Variants in NELL1 observed in about 807,000 individuals in gnomAD.
NELL1 encodes the protein protein kinase C-binding protein NELL1.
A neutral mutation model predicts 107.4 loss-of-function variants in NELL1; 76 were observed. That is an observed-to-expected ratio of 0.71 (90% CI 0.59 to 0.86). The LOEUF (loss-of-function observed/expected upper bound fraction) is 0.86, where lower values mean the gene tolerates loss of function less well. NELL1 is among the 40% of genes least tolerant of loss of function. The pLI, the probability that NELL1 is intolerant of heterozygous loss-of-function variation, is 0.00. For missense variants in NELL1, 1,024 were observed against 1,005.5 expected (o/e 1.02, Z -0.25); for synonymous variants, 353 against 341.2 (o/e 1.03, Z -0.38).
intron 15 of NELL1, among the ~76,000 whole-genome samples, chr11:21,501,688 A>C (rs1855146669): frequency 6.6e-6 from 1 of 152,202 alleles, no homozygotes. Context: ...TTTGCAGCTT[A>C]TTACTTTGCA....
At chr11:21,451,059 C>T (rs1337687741) in intron 15 of NELL1, among the ~76,000 whole-genome samples, 2 of 151,322 alleles carry the variant, frequency 1.3e-5, no homozygotes, top group African/African-American at 2.4e-5. Context: ...TGATGGTGGG[C>T]GCCTGTAGTC....
At chr11:20,863,825 A>C (rs959782566) in intron 4 of NELL1, among the ~76,000 whole-genome samples, 3 of 152,336 alleles carry the variant, frequency 2.0e-5, no homozygotes, top group Non-Finnish European at 4.4e-5. Flanking sequence ...AACATTGAGC[A>C]CTGAGTGAAC....
intron 14 of NELL1, among the ~76,000 whole-genome samples, chr11:21,335,525 G>A (rs937690828): frequency 6.6e-6 from 1 of 152,076 alleles, no homozygotes; most frequent in Non-Finnish European, 1.5e-5. Flanking sequence ...TCATCTGGGT[G>A]TGAAATTTCC....
intron 16 of NELL1, among the ~76,000 whole-genome samples, chr11:21,556,462 G>A (rs537545834): frequency 6.6e-6 from 1 of 152,118 alleles, no homozygotes; most frequent in African/African-American, 2.4e-5. Context: ...TAATACAGTG[G>A]TTATGCTATT....
At chr11:20,790,638 C>A (rs762726019) in intron 3 of NELL1, among the ~76,000 whole-genome samples, 1 of 151,908 alleles carries the variant, frequency 6.6e-6, no homozygotes, top group Admixed American at 6.6e-5. Context: ...CTGAGCCCAG[C>A]GAGGTAGGAC....
At chr11:21,318,045 C>T (rs1849920032) in intron 14 of NELL1, among the ~76,000 whole-genome samples, 1 of 152,070 alleles carries the variant, frequency 6.6e-6, no homozygotes, top group Admixed American at 6.6e-5. Flanking sequence ...CAGAAGACAG[C>T]TATTAATCCT....
At chr11:21,178,527 G>T (rs1447482600) in intron 13 of NELL1, among the ~76,000 whole-genome samples, 1 of 151,672 alleles carries the variant, frequency 6.6e-6, no homozygotes, top group African/African-American at 2.4e-5. Context: ...AGCGCTTTGG[G>T]AGGCTGATGC....
intron 15 of NELL1, among the ~76,000 whole-genome samples, chr11:21,379,870 G>C (rs1851569580): frequency 6.6e-6 from 1 of 152,016 alleles, no homozygotes; most frequent in Non-Finnish European, 1.5e-5. Context: ...CCTGTATTTT[G>C]AGAGATCCCT....
At chr11:21,518,989 G>T (rs931654645) in intron 15 of NELL1, among the ~76,000 whole-genome samples, 1 of 152,152 alleles carries the variant, frequency 6.6e-6, no homozygotes, top group Non-Finnish European at 1.5e-5. Flanking sequence ...GGTTGGTTCA[G>T]CAGCTCAATG....
intron 2 of NELL1, among the ~76,000 whole-genome samples, chr11:20,735,611 G>A (rs865839947): frequency 1.1e-4 from 16 of 152,294 alleles, no homozygotes; most frequent in South Asian, 1.0e-3. Flanking sequence ...GGTGGGGACA[G>A]AGCCAAACCA....
At chr11:21,269,774 T>C (rs1030024362) in intron 14 of NELL1, among the ~76,000 whole-genome samples, 1 of 152,072 alleles carries the variant, frequency 6.6e-6, no homozygotes, top group Non-Finnish European at 1.5e-5. Context: ...ATTAGCAAAA[T>C]TAAAATTAAA....
At chr11:21,396,129 T>G (rs1851975916) in intron 15 of NELL1, among the ~76,000 whole-genome samples, 1 of 151,452 alleles carries the variant, frequency 6.6e-6, no homozygotes, top group Admixed American at 6.6e-5. Context: ...AAAGCATCAA[T>G]AATTGAGTAA....
chr11:20,764,558 A>G (rs1379738211), intron 2 of NELL1, among the ~76,000 whole-genome samples: 1 of 151,168 alleles, frequency 6.6e-6, no homozygotes, highest in Non-Finnish European at 1.5e-5. Flanking sequence ...ACTGCCCATC[A>G]TGTTTATTTG....
intron 2 of NELL1, among the ~76,000 whole-genome samples, chr11:20,766,175 C>T (rs1343974476): frequency 1.3e-5 from 2 of 152,134 alleles, no homozygotes; most frequent in South Asian, 4.1e-4. Context: ...CGAGAATGAC[C>T]CTTCCCTGGG....
intron 16 of NELL1, among the ~76,000 whole-genome samples, chr11:21,553,610 G>A (rs1856640744): frequency 6.6e-6 from 1 of 151,706 alleles, no homozygotes; most frequent in Non-Finnish European, 1.5e-5. Context: ...TTACCAAAGA[G>A]AAGCCTGGGG....
Position 20,673,842 on chromosome 11 carries a change from AT to A in NELL1, c.55+4076del, listed in dbSNP as rs57671375. 1.5e-3 allele frequency among the ~76,000 whole-genome samples: 229 copies of A among 148,972 alleles called. 2 individuals carry two copies. The highest frequency in any genetic ancestry group is 3.9e-3 in the African/African-American group (160 of 40,734). ...CTTGGACAAGAAGCAGAAACAATAC[AT>A]TTTTTTTTTTTATGAGACCACACTC... On this transcript the variant is annotated intron_variant, in intron 1 of 19. Coordinates refer to ENST00000357134, the MANE Select transcript of NELL1 (RefSeq NM_006157.5).
chr11:20,755,633 G>A (rs1856260488), intron 2 of NELL1, among the ~76,000 whole-genome samples: 1 of 145,856 alleles, frequency 6.9e-6, no homozygotes, highest in African/African-American at 2.6e-5. Context: ...TCAGCTCACT[G>A]CAACCTCTGT....
intron 14 of NELL1, among the ~76,000 whole-genome samples, chr11:21,342,412 G>C (rs10766787): frequency 1.8e-5 from 1 of 55,314 alleles, no homozygotes; most frequent in African/African-American, 7.3e-5. Context: ...AGGCTTAAGT[G>C]GGGGGGGGGG....
intron 15 of NELL1, among the ~76,000 whole-genome samples, chr11:21,515,095 A>G (rs1855525041): frequency 6.6e-6 from 1 of 152,252 alleles, no homozygotes; most frequent in South Asian, 2.1e-4. Context: ...TTGTGTTGAC[A>G]CAAAGTACTT....
Sources: gnomAD v4.1 joint callset for allele counts (sites outside exome capture counted in the v4.1 genomes callset) on GRCh38, gnomAD v4.1.1 for gene constraint, MANE v1.5 for transcripts, NCBI Gene and HGNC (gene_info 2026-07-23, HGNC 2026-07-21) for gene names.